Variants in POLR3A observed in about 807,000 individuals in gnomAD.
POLR3A encodes DNA-directed RNA polymerase III subunit RPC1.
In POLR3A, 112 loss-of-function variants were observed where a neutral mutation model predicts 152.8. That is an observed-to-expected ratio of 0.73 (90% CI 0.63 to 0.86). The LOEUF (loss-of-function observed/expected upper bound fraction) is 0.86. POLR3A is among the 40% of genes least tolerant of loss of function. POLR3A has a pLI of 0.00. For synonymous variants in POLR3A, 615 were observed against 652.1 expected (o/e 0.94, Z 0.87); for missense variants, 1,385 against 1,743.1 (o/e 0.79, Z 3.66).
intron 4 of POLR3A, 46 bp downstream of exon 4, chr10:78,024,925 G>A: frequency 6.3e-7 from 1 of 1,597,342 alleles, no homozygotes; most frequent in Non-Finnish European, 8.6e-7. Context: ...ACAGAAGACA[G>A]TGAGTGAAAA....
At chr10:78,021,501 G>A (rs1246056372) in intron 8 of POLR3A, 45 bp downstream of exon 8, 14 of 1,606,218 alleles carry the variant, frequency 8.7e-6, no homozygotes, top group Non-Finnish European at 1.2e-5. Flanking sequence ...TAACGTAAAA[G>A]ACTGAATTTA....
rs767603252 is a variant in POLR3A at position 78,013,825 on chromosome 10, G to A, written c.1432-35C>T. ...ACAAAACAAAACAAAACAGGAAGAG[G>A]ACTTAGGCATTTATCCAAAAGCTTC... On this transcript the variant is annotated intron_variant, in intron 10 of 30. Coordinates refer to ENST00000372371, the MANE Select transcript of POLR3A (RefSeq NM_007055.4). 32 of 1,613,862 alleles carry A rather than the reference G, an allele frequency of 2.0e-5. No homozygotes were observed. The South Asian group carries it at 3.4e-4, about 17-fold the overall frequency.
intron 20 of POLR3A, among the ~76,000 whole-genome samples, chr10:77,991,424 C>G (rs1229401376): frequency 6.6e-6 from 1 of 152,156 alleles, no homozygotes; most frequent in African/African-American, 2.4e-5. Flanking sequence ...CCTTCGCCAC[C>G]CCACTGCCCC....
intron 30 of POLR3A, among the ~76,000 whole-genome samples, chr10:77,978,365 G>A (rs887013591): frequency 1.3e-4 from 20 of 152,172 alleles, no homozygotes; most frequent in African/African-American, 3.6e-4. Flanking sequence ...CAATGAGGGC[G>A]AACACTGGGT....
In POLR3A at chr10:78,021,920, G is replaced by A; in HGVS notation, c.988C>T (p.Leu330Phe). 5 of 1,614,160 alleles carry A rather than the reference G, an allele frequency of 3.1e-6. No individual in the cohort carries two copies. Among genetic ancestry groups the A allele is most frequent in the Non-Finnish European group, 3.4e-6 (4 of 1,180,040 alleles). ...YINSELSGIP[L>F]NMAPKKWTRG... ...GTCCACTTCTTGGGTGCCATGTTGAGGGGAATGCCCGAGAGCTCACTGTTA... is the reference window on the plus strand; with the variant it reads ...GTCCACTTCTTGGGTGCCATGTTGAAGGGAATGCCCGAGAGCTCACTGTTA... The change falls in exon 7 of 31, where the codon CTC becomes TTC. Residue 330 changes from leucine to phenylalanine, a missense_variant. By Grantham distance (22) the Leu-to-Phe change is conservative (BLOSUM62 0). Transcript: ENST00000372371.
At chr10:77,982,112 A>C in intron 28 of POLR3A, 42 bp downstream of exon 28, 1 of 1,571,902 alleles carries the variant, frequency 6.4e-7, no homozygotes, top group Non-Finnish European at 8.7e-7. Context: ...GGCACAAGGA[A>C]GACAGCCTAA....
chr10:77,994,633 C>T (rs1397042753), intron 19 of POLR3A, among the ~76,000 whole-genome samples: 1 of 151,890 alleles, frequency 6.6e-6, no homozygotes, highest in Non-Finnish European at 1.5e-5. Flanking sequence ...AAGAAATGAA[C>T]AAAGCCTTGA....
At chr10:77,977,661 TA>T in intron 30 of POLR3A, 35 bp from the exon 31 acceptor site, 1 of 1,582,276 alleles carries the variant, frequency 6.3e-7, no homozygotes, top group Non-Finnish European at 8.7e-7. Context: ...AGAGAGCCTC[TA>T]AACACAAGGT....
rs770073339 is a variant in POLR3A at position 78,007,699 on chromosome 10, T to C, written c.2074+3A>G. On this transcript the variant is annotated splice_donor_region_variant and intron_variant, in intron 15 of 30. Transcript: ENST00000372371. ...ACTAAAAGAAGGATGCTGAGATACT[T>C]ACACAGGTAGACAGGAGCCAGCCTG... 1.9e-6 allele frequency: 3 copies of C among 1,613,040 alleles called. No individual in the cohort carries two copies. Among genetic ancestry groups the C allele is most frequent in the Non-Finnish European group, 1.7e-6 (2 of 1,179,062 alleles).
In POLR3A at chr10:77,993,661, C is replaced by T. The variant is rs1847270679; in HGVS notation, c.2617-294G>A. 2.0e-5 allele frequency among the ~76,000 whole-genome samples: 3 copies of T among 152,294 alleles called. No homozygotes were observed. In the South Asian group the frequency reaches 6.2e-4, roughly 32 times the overall value. The stretch of plus-strand genomic sequence containing the variant: ...CAAAGGACTCTGCAACTGCTGTTTT[C>T]CTAGGCTGTTTTACCTTCCTTCTCT... On this transcript the variant is annotated intron_variant, in intron 19 of 30. Coordinates refer to ENST00000372371, the MANE Select transcript of POLR3A (RefSeq NM_007055.4).
intron 20 of POLR3A, 75 bp from the exon 21 acceptor site, chr10:77,991,242 A>C: frequency 1.2e-6 from 1 of 849,630 alleles, no homozygotes; most frequent in South Asian, 1.4e-5. Context: ...GAGAACTTAC[A>C]AAGGATAAAA....
At position 78,022,230 on chromosome 10, in the gene POLR3A, A is replaced by G. The variant is rs758896579; in HGVS notation, c.800T>C (p.Val267Ala). Residue 267 changes from valine (V) to alanine (A), a missense_variant, in exon 6 of 31, where the codon GTG becomes GCG. Coordinates refer to ENST00000372371, the MANE Select transcript of POLR3A (RefSeq NM_007055.4). The stretch of plus-strand genomic sequence containing the variant: ...ATTGGTGCCAGACTTCAAATCACTC[A>G]CAACGGAGGGTCTGATACACAAAGG... ...VPPLCIRPSV[V>A]SDLKSGTNED... is the part of the protein sequence containing the mutation. The G allele has an allele frequency of 6.2e-7, 1 of 1,614,076 alleles. No homozygotes were observed. Among genetic ancestry groups the G allele is most frequent in the African/African-American group, 1.3e-5 (1 of 74,936 alleles).
In POLR3A at chr10:77,975,983, G is replaced by A. The variant is rs190828434; in HGVS notation, c.*1495C>T. 110 of 152,066 alleles carry A rather than the reference G, an allele frequency of 7.2e-4. No homozygotes were observed. The highest frequency in any genetic ancestry group is 2.4e-3 in the African/African-American group (98 of 41,470). The allele number at this position is 152,066 out of a possible 1,614,324, so 9.4% of individuals were successfully genotyped here. A position where few individuals can be genotyped will look rare whatever the true frequency, so the allele number is the denominator to read the frequency against. ...GCTCTAGCTCAATTCAAAGATAAAGGGGGGTTAAACATTAAGAAAAATGGC... is the reference window on the plus strand; with the variant it reads ...GCTCTAGCTCAATTCAAAGATAAAGAGGGGTTAAACATTAAGAAAAATGGC... On this transcript the variant is annotated 3_prime_UTR_variant, in exon 31 of 31. Coordinates refer to ENST00000372371, the MANE Select transcript of POLR3A (RefSeq NM_007055.4).
intron 16 of POLR3A, among the ~76,000 whole-genome samples, chr10:78,004,011 A>G (rs1181925504): frequency 6.6e-6 from 1 of 150,964 alleles, no homozygotes; most frequent in Non-Finnish European, 1.5e-5. Context: ...CAAGGTGGGC[A>G]GATCACGAGG....
intron 19 of POLR3A, among the ~76,000 whole-genome samples, chr10:77,994,673 A>G (rs1468270036): frequency 2.0e-5 from 3 of 152,228 alleles, no homozygotes; most frequent in Non-Finnish European, 4.4e-5. Flanking sequence ...AAAAGACCAA[A>G]TCTACGTCTG....
intron 10 of POLR3A, among the ~76,000 whole-genome samples, chr10:78,014,164 G>GAA (rs111309592): frequency 8.8e-6 from 1 of 113,642 alleles, no homozygotes; most frequent in Non-Finnish European, 1.9e-5. Context: ...CTCAAAAAAA[G>GAA]AAAAAAAAAA....
intron 10 of POLR3A, among the ~76,000 whole-genome samples, chr10:78,014,572 A>T (rs1847501042): frequency 6.6e-6 from 1 of 152,098 alleles, no homozygotes; most frequent in South Asian, 2.1e-4. Flanking sequence ...GTTTACTGCC[A>T]CACCAGGCTA....
At chr10:78,009,408 A>G in intron 14 of POLR3A, 129 bp downstream of exon 14, 2 of 1,292,994 alleles carry the variant, frequency 1.5e-6, no homozygotes, top group Non-Finnish European at 2.2e-6. Context: ...TGAAGAAAAA[A>G]CTTTCCACCT....
intron 19 of POLR3A, among the ~76,000 whole-genome samples, chr10:77,996,358 T>G (rs1344409531): frequency 6.6e-6 from 1 of 152,076 alleles, no homozygotes; most frequent in Non-Finnish European, 1.5e-5. Flanking sequence ...CTTCAAAAAA[T>G]TAATGAATCC....
Sources: allele counts gnomAD v4.1 joint callset (sites outside exome capture counted in the v4.1 genomes callset), GRCh38; gene constraint gnomAD v4.1.1; transcripts MANE v1.5; gene names NCBI Gene and HGNC (gene_info 2026-07-23, HGNC 2026-07-21).